PTGER4: variants seen among roughly 807,000 people sequenced by gnomAD.
PTGER4 encodes the protein prostaglandin E receptor 4.
In PTGER4, 11 loss-of-function variants were observed where a neutral mutation model predicts 33.2. The observed-to-expected ratio is 0.33, with a 90% CI of 0.21 to 0.55. The LOEUF is 0.55. Ranked by LOEUF, PTGER4 falls within the 20% of genes least tolerant of loss-of-function variation. The probability of loss-of-function intolerance (pLI) is 0.92; values close to 1 mark genes in which losing one functional copy is unlikely to be tolerated. For missense variants in PTGER4, 481 were observed against 650.2 expected (o/e 0.74, Z 2.83); for synonymous variants, 275 against 281.5 (o/e 0.98, Z 0.23).
At chr5:40,697,290 G>GAAAGAA (rs1561134552), downstream of PTGER4, among the ~76,000 whole-genome samples, 1 of 137,268 alleles carries the variant, frequency 7.3e-6, no homozygotes, top group African/African-American at 2.6e-5. Flanking sequence ...AAGAAAGAAA[G>GAAAGAA]AAAGAAAAAG....
At position 40,691,982 on chromosome 5, in the gene PTGER4, G is replaced by A. The variant is rs188541458; in HGVS notation, c.1071G>A (p.Glu357=). 1.2e-5 allele frequency: 20 copies of A among 1,614,014 alleles called. No individual in the cohort carries two copies. The South Asian group carries it at 2.2e-4, about 18-fold the overall frequency. The change falls in exon 3 of 3, where the codon GAG becomes GAA. Residue 357 remains glutamate, a synonymous_variant. Transcript: ENST00000302472. The surrounding 1 kb of genome is among the most constrained non-coding windows in gnomAD (Gnocchi z 4.2). Reference sequence around the variant, plus strand: ...GCCGCATTGGCGGGTCCCGCAGGGAGCGCTCCGGACAGCACTGCTCAGACA... The same window carrying A: ...GCCGCATTGGCGGGTCCCGCAGGGAACGCTCCGGACAGCACTGCTCAGACA... ...LFCRIGGSRR[E]RSGQHCSDSQ...
At position 40,680,769 on chromosome 5, in the gene PTGER4, C is replaced by T. The variant is rs1242859822; in HGVS notation, c.-43-182C>T. 6.6e-6 allele frequency among the ~76,000 whole-genome samples: 1 copy of T among 152,106 alleles called. No individual in the cohort carries two copies. The highest frequency in any genetic ancestry group is 1.5e-5 in the Non-Finnish European group (1 of 68,018). ...AATGTCAGCAAGAGTGTGCTGTTGG[C>T]AGGACGTATCGCGAGCCTGGAGATT... On this transcript the variant is annotated intron_variant, in intron 1 of 2. Transcript: ENST00000302472. This position sits in a 1 kb window ranked among gnomAD's most constrained non-coding sequence, Gnocchi z 5.5.
chr5:40,730,612 C>A, the PTGER4 span, among the ~76,000 whole-genome samples: 1 of 152,146 alleles, frequency 6.6e-6, no homozygotes, highest in South Asian at 2.1e-4. Flanking sequence ...CCTCCTCCAC[C>A]CCCGGGCAAA....
chr5:40,685,209 G>T (rs1219754693), intron 2 of PTGER4, among the ~76,000 whole-genome samples: 1 of 152,124 alleles, frequency 6.6e-6, no homozygotes, highest in Non-Finnish European at 1.5e-5. Flanking sequence ...CAGCTAATTT[G>T]ATTAATCTTC....
chr5:40,738,492 T>C, the PTGER4 span, among the ~76,000 whole-genome samples: 8 of 128,228 alleles, frequency 6.2e-5, no homozygotes, highest in East Asian at 1.7e-3. Flanking sequence ...TACAATACAA[T>C]ACAATACAAT....
chr5:40,685,843 T>C (rs1044852123), intron 2 of PTGER4, among the ~76,000 whole-genome samples: 1 of 152,204 alleles, frequency 6.6e-6, no homozygotes, highest in African/African-American at 2.4e-5. Flanking sequence ...GTCAATTTGT[T>C]TGTATTGAAT....
At chr5:40,714,510 A>C in the PTGER4 span, 1 of 152,300 alleles carries the variant, frequency 6.6e-6, no homozygotes, top group African/African-American at 2.4e-5. Flanking sequence ...AATTACACAA[A>C]AAACAAACAT....
the PTGER4 span, among the ~76,000 whole-genome samples, chr5:40,733,099 TC>T: frequency 6.6e-6 from 1 of 152,162 alleles, no homozygotes; most frequent in Non-Finnish European, 1.5e-5. Flanking sequence ...CTTACTTTGT[TC>T]CGTTCATTAT....
the PTGER4 span, among the ~76,000 whole-genome samples, chr5:40,740,716 C>T: frequency 1.6e-4 from 25 of 152,196 alleles, no homozygotes; most frequent in South Asian, 5.2e-3. Context: ...TCCATCCAAC[C>T]TTCCCTCCCT....
rs1297233525 is a variant in PTGER4, at chr5:40,692,570, C to A, written c.*192C>A. 3.3e-5 allele frequency: 45 copies of A among 1,373,832 alleles called. No homozygotes were observed. Among genetic ancestry groups the A allele is most frequent in the Non-Finnish European group, 4.1e-5 (44 of 1,065,956 alleles). The allele number at this position is 1,373,832 out of a possible 1,614,324, so 85.1% of individuals were successfully genotyped here. ...CACGTGGGTCCTGAGGCCTGCAGCA[C>A]GTCGGATGCTACCCCACTATGACAG... On this transcript the variant is annotated 3_prime_UTR_variant, in exon 3 of 3. Transcript: ENST00000302472.
intron 2 of PTGER4, among the ~76,000 whole-genome samples, chr5:40,682,282 G>A (rs1444370774): frequency 6.6e-6 from 1 of 152,144 alleles, no homozygotes; most frequent in Non-Finnish European, 1.5e-5. Context: ...ATGGTGATCT[G>A]TTCGTTGTAA....
At position 40,693,716 on chromosome 5, in the gene PTGER4, TAATA is replaced by T. The variant is rs1741526569; in HGVS notation, c.*1343_*1346del. The T allele has an allele frequency of 1.0e-6, 1 of 980,100 alleles. No homozygotes were observed. 60.7% of individuals were successfully genotyped at this position (980,100 alleles called of 1,614,324 possible). ...CCAAGTGAAATTATTTTGGAGATTA[TAATA>T]AATATATACATTCAATCTGAGTTGC... On this transcript the variant is annotated 3_prime_UTR_variant, in exon 3 of 3. Transcript: ENST00000302472.
At chr5:40,707,567 C>T in the PTGER4 span, among the ~76,000 whole-genome samples, 369 of 152,176 alleles carry the variant, frequency 2.4e-3, no homozygotes, top group African/African-American at 8.6e-3. Flanking sequence ...CTTAGACTCC[C>T]ACACAAAAAT....
intron 2 of PTGER4, among the ~76,000 whole-genome samples, chr5:40,686,741 A>T (rs1040992092): frequency 2.0e-5 from 3 of 152,028 alleles, no homozygotes; most frequent in Admixed American, 6.6e-5. Context: ...AACATAATTT[A>T]AAAAAAATTA....
At position 40,692,703 on chromosome 5, in the gene PTGER4, G is replaced by C. The variant is rs898393617; in HGVS notation, c.*325G>C. 2 of 1,060,550 alleles carry C rather than the reference G, an allele frequency of 1.9e-6. No individual in the cohort carries two copies. The highest frequency in any genetic ancestry group is 1.7e-5 in the African/African-American group (1 of 59,702). 65.7% of individuals were successfully genotyped at this position (1,060,550 alleles called of 1,614,324 possible). On this transcript the variant is annotated 3_prime_UTR_variant, in exon 3 of 3. Coordinates refer to ENST00000302472, the MANE Select transcript of PTGER4 (RefSeq NM_000958.3). ...CTGTCATAACATCCAGAGCTTTGTC[G>C]TATTTGGCACACAGCAGAGGCCCAG...
the PTGER4 span, among the ~76,000 whole-genome samples, chr5:40,722,816 G>C: frequency 6.6e-6 from 1 of 150,404 alleles, no homozygotes; most frequent in African/African-American, 2.4e-5. Flanking sequence ...TCCGGGAGGT[G>C]GGGGGCGCAG....
chr5:40,728,956 T>TAG, the PTGER4 span, among the ~76,000 whole-genome samples: 4 of 152,118 alleles, frequency 2.6e-5, no homozygotes, highest in African/African-American at 9.7e-5. Flanking sequence ...CCATACATAC[T>TAG]AGGAAGGTAG....
chr5:40,686,172 T>C (rs1226979044), intron 2 of PTGER4, among the ~76,000 whole-genome samples: 1 of 152,184 alleles, frequency 6.6e-6, no homozygotes, highest in African/African-American at 2.4e-5. Context: ...ACTGAGCCCA[T>C]ACAGATAATT....
the PTGER4 span, among the ~76,000 whole-genome samples, chr5:40,734,536 C>A: frequency 6.6e-6 from 1 of 152,186 alleles, no homozygotes. Flanking sequence ...ATGCCCTATA[C>A]TGAGGTAAAG....
Sources: gnomAD v4.1 joint callset for allele counts (sites outside exome capture counted in the v4.1 genomes callset) on GRCh38, gnomAD v4.1.1 for gene constraint, Gnocchi (gnomAD v3.1) non-coding constraint, MANE v1.5 for transcripts, NCBI Gene and HGNC (gene_info 2026-07-23, HGNC 2026-07-21) for gene names.